CNTNAP2: variants seen among roughly 807,000 people sequenced by gnomAD.
CNTNAP2 encodes contactin associated protein 2.
CNTNAP2 carries 98 observed loss-of-function variants against 155.2 expected under a neutral mutation model. The observed-to-expected ratio is 0.63, with a 90% CI of 0.54 to 0.75. The LOEUF is 0.75. CNTNAP2 is among the 30% of genes least tolerant of loss of function. CNTNAP2 has a pLI of 0.00. For missense variants in CNTNAP2, 1,727 were observed against 1,688.1 expected, an observed-to-expected ratio of 1.02 and a Z score of -0.40; for synonymous variants, 651 against 631.2, an observed-to-expected ratio of 1.03 and a Z score of -0.47.
intron 8 of CNTNAP2, among the ~76,000 whole-genome samples, chr7:147,254,898 C>T (rs76666005): frequency 0.052 from 7,876 of 152,190 alleles, 298 homozygotes; most frequent in Non-Finnish European, 0.077. Flanking sequence ...CTCTAAAAAT[C>T]GTAGCAATTT....
chr7:148,267,571 C>G (rs548891598), intron 21 of CNTNAP2, among the ~76,000 whole-genome samples: 1 of 148,476 alleles, frequency 6.7e-6, no homozygotes, highest in Admixed American at 6.8e-5. Context: ...AGGAGAATTG[C>G]TTGAACCCCG....
At chr7:146,677,048 G>A (rs1313114576) in intron 1 of CNTNAP2, among the ~76,000 whole-genome samples, 11 of 152,180 alleles carry the variant, frequency 7.2e-5, no homozygotes, top group African/African-American at 2.4e-5. Flanking sequence ...CTGAGAACAT[G>A]TGCCCAAGGT....
intron 12 of CNTNAP2, among the ~76,000 whole-genome samples, chr7:147,629,416 A>G (rs1231750242): frequency 7.5e-6 from 1 of 132,518 alleles, no homozygotes; most frequent in Non-Finnish European, 1.6e-5. Flanking sequence ...AAATAATAAT[A>G]ATAATAATAA....
intron 1 of CNTNAP2, among the ~76,000 whole-genome samples, chr7:146,659,034 C>T (rs959182348): frequency 1.3e-5 from 2 of 152,158 alleles, no homozygotes; most frequent in African/African-American, 4.8e-5. Flanking sequence ...CTGCTACTGA[C>T]CGTGGGTACT....
At chr7:147,962,130 C>G (rs1020715909) in intron 14 of CNTNAP2, among the ~76,000 whole-genome samples, 1 of 152,216 alleles carries the variant, frequency 6.6e-6, no homozygotes, top group Non-Finnish European at 1.5e-5. Flanking sequence ...TCTTTGCATT[C>G]CCCACCAGAC....
At chr7:147,641,281 A>T (rs1190177696) in intron 13 of CNTNAP2, among the ~76,000 whole-genome samples, 1 of 152,224 alleles carries the variant, frequency 6.6e-6, no homozygotes, top group East Asian at 1.9e-4. Context: ...AGTGCTTTCT[A>T]TGTGCAAAGC....
chr7:147,576,365 G>A (rs1244061263), intron 12 of CNTNAP2, among the ~76,000 whole-genome samples: 2 of 152,164 alleles, frequency 1.3e-5, no homozygotes, highest in Admixed American at 6.6e-5. Context: ...GCGTTTATTA[G>A]CAATATGCTA....
chr7:147,707,567 C>A (rs1563059959), intron 13 of CNTNAP2, among the ~76,000 whole-genome samples: 2 of 152,182 alleles, frequency 1.3e-5, no homozygotes, highest in Admixed American at 6.5e-5. Context: ...GGCCCCAGGG[C>A]AACATATGCT....
Position 148,095,468 on chromosome 7 carries a change from A to C in CNTNAP2, c.2384-22650A>C, listed in dbSNP as rs556582348. 1.1e-4 allele frequency among the ~76,000 whole-genome samples: 16 copies of C among 152,370 alleles called. No homozygotes were observed. The South Asian group carries it at 3.3e-3, about 32-fold the overall frequency. ...CAGGCTTCTAATAAGCAGTCTGAGA[A>C]GTACACAGACTCCAAAACAGTGTTT... On this transcript the variant is annotated intron_variant, in intron 15 of 23. Coordinates refer to ENST00000361727, the MANE Select transcript of CNTNAP2 (RefSeq NM_014141.6).
intron 13 of CNTNAP2, among the ~76,000 whole-genome samples, chr7:147,735,645 G>T (rs559863843): frequency 6.6e-6 from 1 of 152,268 alleles, no homozygotes; most frequent in Admixed American, 6.5e-5. Context: ...CATTATTATT[G>T]TGTGGGAGTC....
chr7:146,719,864 A>G (rs939732638), intron 1 of CNTNAP2, among the ~76,000 whole-genome samples: 4 of 152,164 alleles, frequency 2.6e-5, no homozygotes, highest in African/African-American at 9.6e-5. Context: ...GTCCAAAACT[A>G]TCATTATATA....
At chr7:146,607,235 T>C (rs1799063178) in intron 1 of CNTNAP2, among the ~76,000 whole-genome samples, 2 of 152,168 alleles carry the variant, frequency 1.3e-5, no homozygotes, top group Non-Finnish European at 2.9e-5. Context: ...TTGAATCTTC[T>C]ATGGAAGCAT....
At chr7:147,739,683 G>A (rs1022528549) in intron 13 of CNTNAP2, among the ~76,000 whole-genome samples, 3 of 151,812 alleles carry the variant, frequency 2.0e-5, no homozygotes, top group Non-Finnish European at 2.9e-5. Flanking sequence ...GGAAAATGTG[G>A]ATAGTGTGTG....
chr7:146,714,846 T>C (rs901945702), intron 1 of CNTNAP2, among the ~76,000 whole-genome samples: 1 of 152,204 alleles, frequency 6.6e-6, no homozygotes, highest in African/African-American at 2.4e-5. Context: ...TATATGGTCC[T>C]GTCCAGTGAC....
intron 1 of CNTNAP2, among the ~76,000 whole-genome samples, chr7:146,224,018 C>G (rs1799250626): frequency 6.6e-6 from 1 of 152,138 alleles, no homozygotes; most frequent in Admixed American, 6.5e-5. Flanking sequence ...TACTTTGGCT[C>G]AAATTGTCCT....
intron 8 of CNTNAP2, among the ~76,000 whole-genome samples, chr7:147,290,032 T>G (rs560012974): frequency 7.0e-4 from 106 of 152,320 alleles, no homozygotes; most frequent in Middle Eastern, 3.4e-3. Context: ...TATAGTTATG[T>G]TCTGTATAGT....
At chr7:147,376,422 G>C (rs112986929) in intron 9 of CNTNAP2, among the ~76,000 whole-genome samples, 1 of 151,746 alleles carries the variant, frequency 6.6e-6, no homozygotes, top group African/African-American at 2.4e-5. Context: ...GAGGAAGTAG[G>C]GTTCATATGT....
At chr7:147,276,029 A>G (rs925253879) in intron 8 of CNTNAP2, among the ~76,000 whole-genome samples, 1 of 151,896 alleles carries the variant, frequency 6.6e-6, no homozygotes, top group Admixed American at 6.6e-5. Flanking sequence ...GTGATGGATC[A>G]TCTTTGTATA....
intron 13 of CNTNAP2, among the ~76,000 whole-genome samples, chr7:147,899,494 A>G (rs1799828303): frequency 6.6e-6 from 1 of 152,228 alleles, no homozygotes; most frequent in Admixed American, 6.5e-5. Flanking sequence ...ATACAACACC[A>G]TATCATTAAT....
Sources: gnomAD v4.1 joint callset for allele counts (sites outside exome capture counted in the v4.1 genomes callset) on GRCh38, gnomAD v4.1.1 for gene constraint, MANE v1.5 for transcripts, NCBI Gene and HGNC (gene_info 2026-07-23, HGNC 2026-07-21) for gene names.